The following ZNF564 variants were observed in gnomAD, a reference collection of about 807,000 sequenced individuals.
ZNF564 encodes zinc finger protein 564.
ZNF564 carries 5 observed loss-of-function variants against 10.5 expected under a neutral mutation model. That is an observed-to-expected ratio of 0.48 (90% CI 0.25 to 1.00). The LOEUF is 1.00. ZNF564 is among the 50% of genes least tolerant of loss of function. The pLI is 0.16. For missense variants in ZNF564, 603 were observed against 669.7 expected (o/e 0.90, Z 1.10); for synonymous variants, 242 against 218.1 (o/e 1.11, Z -0.97).
In ZNF564 at chr19:12,551,326, G is replaced by A. The variant is rs774139666; in HGVS notation, c.3+4C>T. 3.1e-6 allele frequency: 5 copies of A among 1,607,650 alleles called. No homozygotes were observed. In the East Asian group the frequency reaches 9.0e-5, roughly 29 times the overall value. ...TCTCCAGGCGCCCGGCCCCGCACAC[G>A]CACCATTTCCTGGCTTCCAGGGTGT... is the stretch of plus-strand genomic sequence containing the variant. On this transcript the variant is annotated splice_donor_region_variant and intron_variant, in intron 1 of 3. Transcript: ENST00000339282.
rs776763469 is a variant in ZNF564, at chr19:12,527,813, T to C, written c.295A>G (p.Ile99Val). ...NLNLNKKIPTIVRPCECSLCG... is the reference protein window; with the variant it reads ...NLNLNKKIPTVVRPCECSLCG... ...AAACTACATTCACATGGTCTTACTA[T>C]AGTAGGAATTTTCTTGTTCAGATTA... Residue 99 changes from isoleucine (I) to valine (V), a missense_variant, in exon 4 of 4, where the codon ATA becomes GTA. Physicochemically the swap from Ile to Val is conservative, Grantham distance 29 (BLOSUM62 3). Transcript: ENST00000339282. 3 of 1,614,074 alleles carry C rather than the reference T, an allele frequency of 1.9e-6. No individual in the cohort carries two copies. The highest frequency in any genetic ancestry group is 1.7e-5 in the Admixed American group (1 of 59,998).
chr19:12,539,127 C>T (rs549940571), intron 1 of ZNF564, among the ~76,000 whole-genome samples: 9 of 149,986 alleles, frequency 6.0e-5, no homozygotes, highest in South Asian at 4.2e-4. Context: ...CCAGCTACTC[C>T]GGAGGCTGAG....
chr19:12,548,078 G>T, intron 1 of ZNF564: 1 of 825,684 alleles, frequency 1.2e-6, no homozygotes, highest in Non-Finnish European at 1.5e-6. Flanking sequence ...AAAGGGCTGG[G>T]ATTACAGGCA....
intron 1 of ZNF564, among the ~76,000 whole-genome samples, chr19:12,540,565 C>CA (rs2022021627): frequency 6.6e-6 from 1 of 151,870 alleles, no homozygotes; most frequent in African/African-American, 2.4e-5. Flanking sequence ...ATTAAAAATA[C>CA]AAAAACCGGC....
chr19:12,532,083 C>T lies in ZNF564; in HGVS notation c.4-3387G>A, dbSNP rs544995555. ...CACAGAGATAAGCCAGGTGCAGTGG[C>T]ACATGCCTATGGTCCCAGCTACTTA... On this transcript the variant is annotated intron_variant, in intron 1 of 3. Coordinates refer to ENST00000339282, the MANE Select transcript of ZNF564 (RefSeq NM_144976.4). Among the ~76,000 whole-genome samples, 7 of 152,240 alleles carry T rather than the reference C, an allele frequency of 4.6e-5. No homozygotes were observed. In the East Asian group the frequency reaches 9.7e-4, roughly 21 times the overall value.
chr19:12,528,081 G>A lies in ZNF564; in HGVS notation c.192-165C>T, dbSNP rs147178111. On this transcript the variant is annotated intron_variant, in intron 3 of 3. Transcript: ENST00000339282. ...TGCTCTGCAAGAGAGCTTGACAGTA[G>A]CTATCACCAAAAAAGTGATATCCAT... Among the ~76,000 whole-genome samples, 27 of 152,242 alleles carry A rather than the reference G, an allele frequency of 1.8e-4. 1 individual carries two copies. Among genetic ancestry groups the A allele is most frequent in the Middle Eastern group, 3.4e-3 (1 of 294 alleles).
chr19:12,531,852 T>A (rs1174076392), intron 1 of ZNF564, among the ~76,000 whole-genome samples: 1 of 152,194 alleles, frequency 6.6e-6, no homozygotes, highest in Non-Finnish European at 1.5e-5. Context: ...TGAATGTCAA[T>A]AGTCCAAATA....
chr19:12,532,719 G>A (rs963316284), intron 1 of ZNF564, among the ~76,000 whole-genome samples: 5 of 151,548 alleles, frequency 3.3e-5, no homozygotes, highest in Non-Finnish European at 5.9e-5. Flanking sequence ...GTGAGACTCT[G>A]TCTCTAAAAA....
Position 12,526,729 on chromosome 19 carries a change from C to G in ZNF564, c.1379G>C (p.Cys460Ser), listed in dbSNP as rs755919901. 6.2e-7 allele frequency: 1 copy of G among 1,614,058 alleles called. No individual in the cohort carries two copies. Among genetic ancestry groups the G allele is most frequent in the Admixed American group, 1.7e-5 (1 of 60,004 alleles). Residue 460 changes from cysteine to serine, a missense_variant, in exon 4 of 4, where the codon TGT (cysteine) becomes TCT (serine). By Grantham distance (112) the Cys-to-Ser change is moderately radical. Coordinates refer to ENST00000339282, the MANE Select transcript of ZNF564 (RefSeq NM_144976.4). ...KCQVCGKAFD[C>S]PSSVRTHERT... ...TTCATGTGTTCGGACAGAACTAGGA[C>G]AGTCAAAGGCTTTACCACATACCTG...
At chr19:12,545,974 G>A (rs371915220) in intron 1 of ZNF564, among the ~76,000 whole-genome samples, 2 of 152,110 alleles carry the variant, frequency 1.3e-5, no homozygotes, top group African/African-American at 4.8e-5. Flanking sequence ...GGGTTCCACA[G>A]AATCACCTCA....
intron 1 of ZNF564, among the ~76,000 whole-genome samples, chr19:12,544,691 C>T (rs2022118220): frequency 1.3e-5 from 2 of 152,196 alleles, no homozygotes; most frequent in South Asian, 4.1e-4. Context: ...CACGAAATTC[C>T]CATCTGGTTG....
At chr19:12,548,076 G>A in intron 1 of ZNF564, 2 of 807,948 alleles carry the variant, frequency 2.5e-6, no homozygotes, top group Non-Finnish European at 3.0e-6. Flanking sequence ...CCAAAGGGCT[G>A]GGATTACAGG....
chr19:12,538,628 AAAAT>A (rs552601006), intron 1 of ZNF564, among the ~76,000 whole-genome samples: 3 of 152,020 alleles, frequency 2.0e-5, no homozygotes, highest in Non-Finnish European at 2.9e-5. Flanking sequence ...CTGTCTAAAA[AAAAT>A]AAATAAATAA....
intron 1 of ZNF564, among the ~76,000 whole-genome samples, chr19:12,547,203 A>C (rs1476382100): frequency 6.6e-6 from 1 of 152,124 alleles, no homozygotes. Context: ...GGCTGGGACT[A>C]TAGGTGTGCA....
At position 12,526,321 on chromosome 19, in the gene ZNF564, T is replaced by C; in HGVS notation, c.*125A>G. The C allele has an allele frequency of 1.0e-6, 1 of 1,004,270 alleles. No individual in the cohort carries two copies. The highest frequency in any genetic ancestry group is 1.4e-6 in the Non-Finnish European group (1 of 692,174). 62.2% of individuals were successfully genotyped at this position (1,004,270 alleles called of 1,614,324 possible). On this transcript the variant is annotated 3_prime_UTR_variant, in exon 4 of 4. Coordinates refer to ENST00000339282, the MANE Select transcript of ZNF564 (RefSeq NM_144976.4). The stretch of plus-strand genomic sequence containing the variant: ...ATATGAGACAGGCACAGGATAGAGA[T>C]TCCTATTCCAAAAGTGAGAAACAGG...
chr19:12,550,787 G>A (rs2022241227), intron 1 of ZNF564: 1 of 161,776 alleles, frequency 6.2e-6, no homozygotes, highest in African/African-American at 2.4e-5. Context: ...TTTGGCGAGG[G>A]GAGGTCACCT....
chr19:12,549,774 G>A (rs1469827848), intron 1 of ZNF564, among the ~76,000 whole-genome samples: 1 of 152,164 alleles, frequency 6.6e-6, no homozygotes, highest in Non-Finnish European at 1.5e-5. Flanking sequence ...ACCTTAAGCT[G>A]TCCTCTGGGA....
intron 1 of ZNF564, among the ~76,000 whole-genome samples, chr19:12,547,307 G>A (rs1185880276): frequency 2.0e-5 from 3 of 152,054 alleles, no homozygotes; most frequent in South Asian, 2.1e-4. Flanking sequence ...CTCCTGTTTC[G>A]GCCTCCCAAA....
At chr19:12,533,383 A>AT (rs2021845538) in intron 1 of ZNF564, among the ~76,000 whole-genome samples, 1 of 152,192 alleles carries the variant, frequency 6.6e-6, no homozygotes, top group Non-Finnish European at 1.5e-5. Context: ...TATTTACAGC[A>AT]TTGAACACCT....
Sources: allele counts gnomAD v4.1 joint callset (sites outside exome capture counted in the v4.1 genomes callset), GRCh38; gene constraint gnomAD v4.1.1; transcripts MANE v1.5; gene names NCBI Gene and HGNC (gene_info 2026-07-23, HGNC 2026-07-21).